Variants in CCSER1 observed in about 807,000 individuals in gnomAD.
The protein encoded by CCSER1 is coiled-coil serine rich protein 1.
Under a neutral mutation model 82.0 loss-of-function variants are expected in CCSER1, and 41 were observed. The ratio of observed to expected loss-of-function variants is 0.50; its 90% CI spans 0.39 to 0.65. The LOEUF (loss-of-function observed/expected upper bound fraction) is 0.65. Ranked by LOEUF, CCSER1 falls within the 30% of genes least tolerant of loss-of-function variation. The probability of loss-of-function intolerance (pLI) is 0.00; values close to 1 mark genes in which losing one functional copy is unlikely to be tolerated. For missense variants in CCSER1, 1,119 were observed against 1,064.2 expected (o/e 1.05, Z -0.72); for synonymous variants, 414 against 383.9 (o/e 1.08, Z -0.92).
intron 7 of CCSER1, among the ~76,000 whole-genome samples, chr4:90,735,370 A>G (rs887370424): frequency 2.0e-5 from 3 of 152,128 alleles, no homozygotes; most frequent in African/African-American, 7.2e-5. Flanking sequence ...CTCCTCTTCC[A>G]CTTTTCAGAA....
At chr4:91,375,835 G>A (rs1750374527) in intron 10 of CCSER1, among the ~76,000 whole-genome samples, 2 of 137,046 alleles carry the variant, frequency 1.5e-5, no homozygotes, top group South Asian at 5.1e-4. Flanking sequence ...TCTAGAAAGA[G>A]ACCTATGTAC....
intron 3 of CCSER1, among the ~76,000 whole-genome samples, chr4:90,357,051 C>A (rs1744483765): frequency 6.6e-6 from 1 of 151,820 alleles, no homozygotes; most frequent in African/African-American, 2.4e-5. Context: ...GTGGTGCCTG[C>A]CTCTTTTAAC....
intron 6 of CCSER1, among the ~76,000 whole-genome samples, chr4:90,698,847 G>T (rs1249852399): frequency 6.6e-6 from 1 of 152,296 alleles, no homozygotes; most frequent in Non-Finnish European, 1.5e-5. Flanking sequence ...ACTCATGCCT[G>T]TAATTCCAGC....
intron 8 of CCSER1, among the ~76,000 whole-genome samples, chr4:90,903,127 A>G (rs1001550868): frequency 1.3e-5 from 2 of 152,138 alleles, no homozygotes; most frequent in African/African-American, 4.8e-5. Flanking sequence ...AAATTCAAAG[A>G]AATCAAAATC....
Position 91,445,138 on chromosome 4 carries a change from T to G in CCSER1, c.2218-153434T>G, listed in dbSNP as rs185885466. Among the ~76,000 whole-genome samples, 5 of 152,288 alleles carry G rather than the reference T, an allele frequency of 3.3e-5. No homozygotes were observed. In the East Asian group the frequency reaches 9.7e-4, roughly 29 times the overall value. ...GGGCTTTTCTGCCTCTGAGGTAACT[T>G]TTAGAAGATAATAACAATCTCCCCT... On this transcript the variant is annotated intron_variant, in intron 10 of 10. Transcript: ENST00000509176.
chr4:90,571,254 G>A (rs1199943966), intron 5 of CCSER1, among the ~76,000 whole-genome samples: 1 of 152,038 alleles, frequency 6.6e-6, no homozygotes, highest in Non-Finnish European at 1.5e-5. Flanking sequence ...AAAATAAATT[G>A]TTCTACCAAA....
intron 9 of CCSER1, among the ~76,000 whole-genome samples, chr4:91,074,100 A>G (rs1176227576): frequency 2.6e-5 from 4 of 152,232 alleles, no homozygotes; most frequent in African/African-American, 7.2e-5. Context: ...CGTGAAACTA[A>G]CAATAGCAAG....
chr4:90,212,706 T>A (rs1740260854), intron 1 of CCSER1, among the ~76,000 whole-genome samples: 1 of 152,224 alleles, frequency 6.6e-6, no homozygotes, highest in Admixed American at 6.5e-5. Context: ...TGTCTGATAA[T>A]GCTAAGGAGA....
chr4:90,596,408 G>A (rs1345485067), intron 5 of CCSER1, among the ~76,000 whole-genome samples: 1 of 151,732 alleles, frequency 6.6e-6, no homozygotes, highest in Non-Finnish European at 1.5e-5. Flanking sequence ...TAAATATACT[G>A]ATTTAAAGTA....
chr4:91,197,770 C>T lies in CCSER1; in HGVS notation c.2217+111776C>T, dbSNP rs1012664539. On this transcript the variant is annotated intron_variant, in intron 10 of 10. Transcript: ENST00000509176. ...CTAGATTGGGCTAGACCTCACTATACGTGCCCCCATGGTATCTCATCTTTT... is the reference window on the plus strand; with the variant it reads ...CTAGATTGGGCTAGACCTCACTATATGTGCCCCCATGGTATCTCATCTTTT... 7.2e-5 allele frequency among the ~76,000 whole-genome samples: 11 copies of T among 152,146 alleles called. 1 individual carries two copies. Among genetic ancestry groups the T allele is most frequent in the Admixed American group, 4.6e-4 (7 of 15,272 alleles).
intron 8 of CCSER1, among the ~76,000 whole-genome samples, chr4:90,906,375 T>C (rs1461844290): frequency 6.6e-6 from 1 of 152,154 alleles, no homozygotes; most frequent in Admixed American, 6.6e-5. Context: ...TTCTAGCTGA[T>C]CGTCAACCTG....
intron 10 of CCSER1, among the ~76,000 whole-genome samples, chr4:91,400,415 A>G (rs1209955780): frequency 6.6e-6 from 1 of 151,342 alleles, no homozygotes; most frequent in Non-Finnish European, 1.5e-5. Flanking sequence ...GTTAAATAAA[A>G]TTATGTAATA....
At chr4:90,889,728 G>A (rs1453990309) in intron 8 of CCSER1, among the ~76,000 whole-genome samples, 2 of 152,096 alleles carry the variant, frequency 1.3e-5, no homozygotes, top group Non-Finnish European at 2.9e-5. Context: ...ACATAGCATG[G>A]ATGATCCTTG....
chr4:91,108,203 C>A (rs1285796642), intron 10 of CCSER1: 1 of 152,188 alleles, frequency 6.6e-6, no homozygotes, highest in East Asian at 1.9e-4. Flanking sequence ...TAAATCAAAT[C>A]ATTGCCAATA....
intron 6 of CCSER1, among the ~76,000 whole-genome samples, chr4:90,707,484 C>T (rs1231433573): frequency 6.6e-6 from 1 of 151,278 alleles, no homozygotes; most frequent in African/African-American, 2.4e-5. Flanking sequence ...TCTTTTCTCT[C>T]ATAGCCCATA....
chr4:90,707,925 T>C (rs968906228), intron 6 of CCSER1, among the ~76,000 whole-genome samples: 6 of 152,176 alleles, frequency 3.9e-5, no homozygotes, highest in South Asian at 2.1e-4. Flanking sequence ...GTTTACAAGC[T>C]GCCAATATTA....
At chr4:90,325,924 T>C (rs1199210329) in intron 3 of CCSER1, among the ~76,000 whole-genome samples, 1 of 152,188 alleles carries the variant, frequency 6.6e-6, no homozygotes, top group Admixed American at 6.5e-5. Flanking sequence ...ATTCATACTC[T>C]TTTTAAGTAA....
At chr4:90,357,078 T>G (rs1246782386) in intron 3 of CCSER1, among the ~76,000 whole-genome samples, 1 of 151,904 alleles carries the variant, frequency 6.6e-6, no homozygotes, top group African/African-American at 2.4e-5. Context: ...GAAAAAGAAA[T>G]AATTGGAGAT....
At chr4:91,284,551 G>A (rs528253966) in intron 10 of CCSER1, among the ~76,000 whole-genome samples, 2 of 152,196 alleles carry the variant, frequency 1.3e-5, no homozygotes, top group African/African-American at 4.8e-5. Context: ...AATGAGAAAT[G>A]TATATGTAAA....
Sources: gnomAD v4.1 joint callset for allele counts (sites outside exome capture counted in the v4.1 genomes callset) on GRCh38, gnomAD v4.1.1 for gene constraint, MANE v1.5 for transcripts, NCBI Gene and HGNC (gene_info 2026-07-23, HGNC 2026-07-21) for gene names.